MYRIP: variants seen among roughly 807,000 people sequenced by gnomAD.
MYRIP encodes rab effector MyRIP.
In MYRIP, 49 loss-of-function variants were observed where a neutral mutation model predicts 98.0. The observed-to-expected ratio is 0.50, with a 90% CI of 0.40 to 0.63. The LOEUF (loss-of-function observed/expected upper bound fraction) is 0.63. MYRIP is among the 30% of genes least tolerant of loss of function. The pLI, the probability that MYRIP is intolerant of heterozygous loss-of-function variation, is 0.00. For synonymous variants in MYRIP, 404 were observed against 409.5 expected (o/e 0.99, Z 0.16); for missense variants, 1,004 against 1,058.2 (o/e 0.95, Z 0.71).
Position 40,259,294 on chromosome 3 carries a change from G to A in MYRIP, c.*1128G>A, listed in dbSNP as rs552248588. ...AGTGTTTATAAGAGATAATGGAACT[G>A]AACTTTCACTCAATTAATTGGGCAT... On this transcript the variant is annotated 3_prime_UTR_variant, in exon 17 of 17. Coordinates refer to ENST00000302541, the MANE Select transcript of MYRIP (RefSeq NM_015460.4). The A allele has an allele frequency of 6.6e-6, 1 of 152,290 alleles. No individual in the cohort carries two copies. The highest frequency in any genetic ancestry group is 2.1e-4 in the South Asian group (1 of 4,820). The allele number at this position is 152,290 out of a possible 1,614,324, so 9.4% of individuals were successfully genotyped here. A position where few individuals can be genotyped will look rare whatever the true frequency, so the allele number is the denominator to read the frequency against.
At chr3:39,876,667 G>T (rs1475811325) in intron 1 of MYRIP, among the ~76,000 whole-genome samples, 1 of 151,904 alleles carries the variant, frequency 6.6e-6, no homozygotes, top group Non-Finnish European at 1.5e-5. Context: ...TTGAATATTG[G>T]CCCCCACTCT....
intron 11 of MYRIP, among the ~76,000 whole-genome samples, chr3:40,224,194 T>G (rs1952425128): frequency 1.3e-5 from 2 of 152,120 alleles, no homozygotes; most frequent in East Asian, 3.9e-4. Flanking sequence ...AGAAAGCACC[T>G]GGAAAGGTTG....
intron 3 of MYRIP, among the ~76,000 whole-genome samples, chr3:40,147,585 C>G (rs1950035896): frequency 6.6e-6 from 1 of 152,090 alleles, no homozygotes; most frequent in Non-Finnish European, 1.5e-5. Flanking sequence ...GGCTATAACA[C>G]TTGGGCTACT....
intron 1 of MYRIP, among the ~76,000 whole-genome samples, chr3:39,892,084 A>T (rs1225812848): frequency 6.6e-6 from 1 of 152,130 alleles, no homozygotes; most frequent in Non-Finnish European, 1.5e-5. Context: ...TTAATAAAAT[A>T]ATTCTATTTT....
chr3:40,180,780 A>G (rs912767210), intron 8 of MYRIP, among the ~76,000 whole-genome samples: 1 of 152,174 alleles, frequency 6.6e-6, no homozygotes, highest in Non-Finnish European at 1.5e-5. Context: ...CCTTTCTCCT[A>G]GATCACCCCA....
intron 2 of MYRIP, among the ~76,000 whole-genome samples, chr3:39,960,772 A>G (rs1190320677): frequency 6.6e-6 from 1 of 152,204 alleles, no homozygotes. Flanking sequence ...ATCAAGGCAG[A>G]GGCAGATGTT....
At chr3:40,161,649 T>C (rs906781635) in intron 4 of MYRIP, among the ~76,000 whole-genome samples, 3 of 152,210 alleles carry the variant, frequency 2.0e-5, no homozygotes. Flanking sequence ...AAGTCTCTCC[T>C]GTTTTCTAAA....
chr3:40,035,925 T>C (rs1947371816), intron 2 of MYRIP, among the ~76,000 whole-genome samples: 1 of 151,872 alleles, frequency 6.6e-6, no homozygotes, highest in Admixed American at 6.6e-5. Context: ...AACAAAGAAT[T>C]ATTAAAATGG....
intron 11 of MYRIP, among the ~76,000 whole-genome samples, chr3:40,228,042 T>C (rs1237208080): frequency 1.3e-5 from 2 of 152,226 alleles, no homozygotes; most frequent in African/African-American, 4.8e-5. Flanking sequence ...GCACCCCCAA[T>C]TGTCTCCCTC....
intron 2 of MYRIP, among the ~76,000 whole-genome samples, chr3:39,957,034 T>C (rs1048733347): frequency 4.0e-5 from 6 of 151,814 alleles, no homozygotes; most frequent in African/African-American, 1.2e-4. Flanking sequence ...CAGGCAATAA[T>C]TAATAGCCTA....
At chr3:40,188,872 C>T (rs6805516) in intron 9 of MYRIP, among the ~76,000 whole-genome samples, 137,680 of 152,226 alleles carry the variant, frequency 0.9, 62,407 homozygotes, top group Non-Finnish European at 0.93. Flanking sequence ...TTTCATCTTA[C>T]TCCCACCCCA....
At chr3:39,991,917 T>C (rs1403178436) in intron 2 of MYRIP, among the ~76,000 whole-genome samples, 3 of 152,180 alleles carry the variant, frequency 2.0e-5, no homozygotes, top group Non-Finnish European at 4.4e-5. Flanking sequence ...CCTAGAATAG[T>C]GCATAGTGCA....
intron 2 of MYRIP, among the ~76,000 whole-genome samples, chr3:40,007,343 TA>T (rs5848544): frequency 0.51 from 75,897 of 148,546 alleles, 20,217 homozygotes; most frequent in East Asian, 0.66. Flanking sequence ...AAATATATGT[TA>T]AAAAAAAAAA....
chr3:40,202,969 C>T (rs925493671), intron 10 of MYRIP, among the ~76,000 whole-genome samples: 13 of 151,084 alleles, frequency 8.6e-5, no homozygotes, highest in Non-Finnish European at 1.8e-4. Flanking sequence ...TTTGCTCTGT[C>T]GCCAGGCTGG....
At chr3:40,034,472 AT>A (rs1265624047) in intron 2 of MYRIP, among the ~76,000 whole-genome samples, 2 of 152,100 alleles carry the variant, frequency 1.3e-5, no homozygotes, top group Non-Finnish European at 2.9e-5. Flanking sequence ...ACATGAAAAA[AT>A]GCTCATCATC....
chr3:39,922,614 C>T (rs1043882025), intron 2 of MYRIP, among the ~76,000 whole-genome samples: 31 of 152,274 alleles, frequency 2.0e-4, no homozygotes, highest in African/African-American at 3.4e-4. Context: ...CTGGAATTTC[C>T]ACCCAGCAGC....
intron 3 of MYRIP, among the ~76,000 whole-genome samples, chr3:40,107,207 C>T (rs1949066023): frequency 1.3e-5 from 2 of 152,202 alleles, no homozygotes; most frequent in Admixed American, 1.3e-4. Context: ...GGCACCAGGC[C>T]AGGCACTGGA....
intron 11 of MYRIP, among the ~76,000 whole-genome samples, chr3:40,211,634 C>T (rs940856937): frequency 4.6e-5 from 7 of 152,180 alleles, no homozygotes; most frequent in Non-Finnish European, 7.4e-5. Flanking sequence ...CAGATTTGTA[C>T]GCTGGAGCTT....
Position 40,169,957 on chromosome 3 carries a change from G to T in MYRIP, c.737G>T (p.Arg246Leu). ...TTGTCCTCCCCTCCCCAGATTATAC[G>T]AAAACAGAAGAGCAAAAGTGAGCAG... is the stretch of plus-strand genomic sequence containing the variant. ...LATTILQKII[R>L]KQKSKSEQQV... Residue 246 changes from arginine to leucine, a missense_variant, in exon 8 of 17, where the codon CGA (arginine) becomes CTA (leucine). Arg to Leu is a moderately radical substitution (Grantham distance 102). Transcript: ENST00000302541. 1 of 1,614,138 alleles carries T rather than the reference G, an allele frequency of 6.2e-7. No homozygotes were observed. Among genetic ancestry groups the T allele is most frequent in the Non-Finnish European group, 8.5e-7 (1 of 1,180,024 alleles).
Sources: allele counts gnomAD v4.1 joint callset (sites outside exome capture counted in the v4.1 genomes callset), GRCh38; gene constraint gnomAD v4.1.1; transcripts MANE v1.5; gene names NCBI Gene and HGNC (gene_info 2026-07-23, HGNC 2026-07-21).